Variants in LRRFIP2 observed in about 807,000 individuals in gnomAD.
LRRFIP2 encodes leucine-rich repeat flightless-interacting protein 2.
In LRRFIP2, 109 loss-of-function variants were observed where a neutral mutation model predicts 125.9. The ratio of observed to expected loss-of-function variants is 0.87; its 90% CI spans 0.74 to 1.01. LRRFIP2 has a LOEUF of 1.01. LRRFIP2 is among the 50% of genes least tolerant of loss of function. The pLI is 0.00. For missense variants in LRRFIP2, 850 were observed against 862.3 expected (o/e 0.99, Z 0.18); for synonymous variants, 291 against 293.1 (o/e 0.99, Z 0.07).
At chr3:37,056,541 T>A (rs574612121) in intron 25 of LRRFIP2, among the ~76,000 whole-genome samples, 1 of 151,462 alleles carries the variant, frequency 6.6e-6, no homozygotes, top group Non-Finnish European at 1.5e-5. Flanking sequence ...GCAAGCTCCA[T>A]CACCCAGGTT....
intron 14 of LRRFIP2, among the ~76,000 whole-genome samples, chr3:37,104,528 G>A (rs2094223045): frequency 6.6e-6 from 1 of 152,196 alleles, no homozygotes; most frequent in African/African-American, 2.4e-5. Context: ...ATGAAAACTC[G>A]GGTTTATAAT....
Position 37,156,484 on chromosome 3 carries a change from T to C in LRRFIP2, c.-55-7446A>G, listed in dbSNP as rs377515806. 6.2e-3 allele frequency among the ~76,000 whole-genome samples: 938 copies of C among 150,322 alleles called. 7 individuals are homozygous for C. The highest frequency in any genetic ancestry group is 0.021 in the African/African-American group (861 of 40,954). ...GTCAGGAGATCGAGACCATCCTGGC[T>C]AACACAGTGAAACCCCCGTCTCTAC... On this transcript the variant is annotated intron_variant, in intron 1 of 27. Transcript: ENST00000336686.
intron 15 of LRRFIP2, among the ~76,000 whole-genome samples, chr3:37,097,418 T>C (rs986244116): frequency 2.0e-5 from 3 of 152,218 alleles, no homozygotes; most frequent in Non-Finnish European, 4.4e-5. Context: ...TATCACTCCC[T>C]GACACTACGG....
intron 23 of LRRFIP2, 162 bp from the exon 24 acceptor site, chr3:37,063,953 A>G: frequency 3.4e-6 from 2 of 591,132 alleles, no homozygotes; most frequent in Non-Finnish European, 6.1e-6. Flanking sequence ...CATTACAGAA[A>G]AGTTCTTAAC....
intron 2 of LRRFIP2, among the ~76,000 whole-genome samples, chr3:37,140,154 T>G (rs1463983230): frequency 6.6e-6 from 1 of 152,120 alleles, no homozygotes; most frequent in Non-Finnish European, 1.5e-5. Context: ...ATAAGCACAT[T>G]TTTCCCTGCT....
chr3:37,155,999 C>A (rs1420408937), intron 1 of LRRFIP2, among the ~76,000 whole-genome samples: 2 of 152,136 alleles, frequency 1.3e-5, no homozygotes, highest in Non-Finnish European at 2.9e-5. Context: ...CTCAGCCTCC[C>A]AAGTACCTGG....
intron 25 of LRRFIP2, among the ~76,000 whole-genome samples, chr3:37,056,832 AAAAC>A (rs1346406586): frequency 4.6e-5 from 7 of 152,198 alleles, no homozygotes; most frequent in Admixed American, 2.0e-4. Context: ...TCTGAGCCCT[AAAAC>A]AAGCTTCAGG....
chr3:37,102,823 A>C, intron 15 of LRRFIP2, 101 bp downstream of exon 15: 1 of 822,692 alleles, frequency 1.2e-6, no homozygotes, highest in Non-Finnish European at 1.9e-6. Context: ...TTCTTAAGAC[A>C]ATAAATCAAG....
At chr3:37,135,644 A>G (rs184280579) in intron 2 of LRRFIP2, among the ~76,000 whole-genome samples, 3 of 152,300 alleles carry the variant, frequency 2.0e-5, no homozygotes, top group Admixed American at 2.0e-4. Flanking sequence ...TTAAATAGAC[A>G]TTTCTCCAAA....
chr3:37,122,283 T>TA, intron 4 of LRRFIP2, among the ~76,000 whole-genome samples: 1 of 152,012 alleles, frequency 6.6e-6, no homozygotes, highest in Non-Finnish European at 1.5e-5. Context: ...TTCCATGGTG[T>TA]GTATGTGTGG....
At chr3:37,164,720 CAAAA>C (rs148231991) in intron 1 of LRRFIP2, among the ~76,000 whole-genome samples, 2 of 106,896 alleles carry the variant, frequency 1.9e-5, no homozygotes, top group Admixed American at 9.9e-5. Flanking sequence ...GACTCCGTCT[CAAAA>C]AAAAAAAAAA....
chr3:37,131,121 G>A (rs1370281111), intron 2 of LRRFIP2, among the ~76,000 whole-genome samples: 5 of 152,110 alleles, frequency 3.3e-5, no homozygotes, highest in African/African-American at 1.2e-4. Flanking sequence ...GGCATCTGCT[G>A]GGGGGCTTGG....
intron 4 of LRRFIP2, among the ~76,000 whole-genome samples, chr3:37,124,151 T>A (rs1047176976): frequency 1.3e-5 from 2 of 152,352 alleles, no homozygotes; most frequent in African/African-American, 4.8e-5. Flanking sequence ...TGTGCTAATG[T>A]AGTACCCACT....
At chr3:37,066,754 G>C (rs1178074372) in intron 21 of LRRFIP2, 1 of 160,258 alleles carries the variant, frequency 6.2e-6, no homozygotes, top group Non-Finnish European at 1.4e-5. Flanking sequence ...CAAGAATACA[G>C]TTGATTTTTT....
chr3:37,145,757 T>G (rs2095842326), intron 2 of LRRFIP2, among the ~76,000 whole-genome samples: 1 of 152,176 alleles, frequency 6.6e-6, no homozygotes, highest in South Asian at 2.1e-4. Flanking sequence ...ATGGTGGAAT[T>G]AGAGAAGACT....
chr3:37,118,342 C>T (rs535887305), intron 6 of LRRFIP2, among the ~76,000 whole-genome samples: 42 of 152,172 alleles, frequency 2.8e-4, no homozygotes, highest in Admixed American at 1.5e-3. Flanking sequence ...GGATGAAAGG[C>T]GTGAGCCACC....
rs2094242684 is a variant in LRRFIP2 at position 37,104,935 on chromosome 3, C to T, written c.783+520G>A. The stretch of plus-strand genomic sequence containing the variant: ...TCATAGCTCACTGCAGCCTCAAACT[C>T]CTGGGCTCAAGCAATCCTCCCACCT... On this transcript the variant is annotated intron_variant, in intron 14 of 27. Coordinates refer to ENST00000336686, the MANE Select transcript of LRRFIP2 (RefSeq NM_006309.4). Among the ~76,000 whole-genome samples, 3 of 151,978 alleles carry T rather than the reference C, an allele frequency of 2.0e-5. No individual in the cohort carries two copies. The South Asian group carries it at 6.2e-4, about 31-fold the overall frequency.
chr3:37,129,497 A>G (rs1169529039), intron 2 of LRRFIP2, among the ~76,000 whole-genome samples: 1 of 152,060 alleles, frequency 6.6e-6, no homozygotes. Context: ...TTCAGAGCCA[A>G]CCTCTCTTTC....
intron 4 of LRRFIP2, among the ~76,000 whole-genome samples, chr3:37,123,067 G>A (rs181603558): frequency 6.6e-6 from 1 of 152,374 alleles, no homozygotes; most frequent in Admixed American, 6.5e-5. Flanking sequence ...TGCTGTGACT[G>A]ATGCCCTTGA....
Sources: gnomAD v4.1 joint callset for allele counts (sites outside exome capture counted in the v4.1 genomes callset) on GRCh38, gnomAD v4.1.1 for gene constraint, MANE v1.5 for transcripts, NCBI Gene and HGNC (gene_info 2026-07-23, HGNC 2026-07-21) for gene names.